The following DICER1 variants were observed in gnomAD, a reference collection of about 807,000 sequenced individuals.
DICER1 encodes the protein dicer 1, ribonuclease III, also known as endoribonuclease Dicer.
A neutral mutation model predicts 194.1 loss-of-function variants in DICER1; 43 were observed. The observed-to-expected ratio is 0.22, with a 90% CI of 0.17 to 0.29. The LOEUF (loss-of-function observed/expected upper bound fraction) is 0.29. DICER1 is among the 10% of genes least tolerant of loss of function. The pLI is 1.00. For missense variants in DICER1, 1,608 were observed against 2,317.0 expected, an observed-to-expected ratio of 0.69 and a Z score of 6.28; for synonymous variants, 832 against 820.5, an observed-to-expected ratio of 1.01 and a Z score of -0.24.
intron 4 of DICER1, among the ~76,000 whole-genome samples, chr14:95,130,427 G>A (rs1164174883): frequency 1.3e-5 from 2 of 152,212 alleles, no homozygotes; most frequent in African/African-American, 4.8e-5. Context: ...AGCATGTCTT[G>A]ACGACAAATC....
intron 1 of DICER1, among the ~76,000 whole-genome samples, chr14:95,155,975 C>T (rs1232666632): frequency 6.6e-6 from 1 of 152,144 alleles, no homozygotes; most frequent in Non-Finnish European, 1.5e-5. Context: ...TATTCCAGAA[C>T]CTAATTTCCA....
rs760966585 is a variant in DICER1 at position 95,115,772 on chromosome 14, A to G, written c.1802T>C (p.Ile601Thr). 7.4e-6 allele frequency: 12 copies of G among 1,614,166 alleles called. No homozygotes were observed. The highest frequency in any genetic ancestry group is 1.0e-5 in the Non-Finnish European group (12 of 1,179,996). Reference sequence around the variant, plus strand: ...GTCATCATCATCCATGACAGGATCAATGTCAGTCTCACCAGTATCAACCGA... The same window carrying G: ...GTCATCATCATCCATGACAGGATCAGTGTCAGTCTCACCAGTATCAACCGA... ...SKSVDTGETD[I>T]DPVMDDDDVF... Residue 601 changes from isoleucine (I) to threonine (T), a missense_variant, in exon 11 of 27, where the codon ATT becomes ACT. Ile to Thr is a moderately conservative substitution (Grantham distance 89, BLOSUM62 -1). Transcript: ENST00000343455.
chr14:95,102,503 G>A (rs1019499545), intron 21 of DICER1, among the ~76,000 whole-genome samples: 2 of 152,014 alleles, frequency 1.3e-5, no homozygotes, highest in African/African-American at 2.4e-5. Context: ...CTGCTGCCAC[G>A]GCTGCTTCCC....
At chr14:95,119,113 T>G (rs1595420945) in intron 8 of DICER1, among the ~76,000 whole-genome samples, 1 of 152,212 alleles carries the variant, frequency 6.6e-6, no homozygotes, top group South Asian at 2.1e-4. Context: ...AAATAATACA[T>G]ACTTCCAAAT....
chr14:95,103,672 A>C lies in DICER1; in HGVS notation c.3724T>G (p.Tyr1242Asp), dbSNP rs1273768047. ...SDECTLLSNK[Y>D]LDGNANKSTS... ...GATTTGTTAGCATTTCCATCAAGGTATTTATTACTCAGGAGAGTACATTCA... is the reference window on the plus strand; with the variant it reads ...GATTTGTTAGCATTTCCATCAAGGTCTTTATTACTCAGGAGAGTACATTCA... Residue 1242 changes from tyrosine to aspartate, a missense_variant, in exon 21 of 27, where the codon TAC (tyrosine) becomes GAC (aspartate). Tyr to Asp is a radical substitution (Grantham distance 160). This residue lies in a region of DICER1 where 222 missense variants were observed against 215.5 expected (regional missense o/e 1.03). Coordinates refer to ENST00000343455, the MANE Select transcript of DICER1 (RefSeq NM_177438.3). 4 of 1,614,164 alleles carry C rather than the reference A, an allele frequency of 2.5e-6. No individual in the cohort carries two copies. The East Asian group carries it at 8.9e-5, about 36-fold the overall frequency.
At chr14:95,157,558 A>T (rs888071515), upstream of DICER1, 1 of 152,288 alleles carries the variant, frequency 6.6e-6, no homozygotes, top group Admixed American at 6.5e-5. Context: ...CCGCGCCCCC[A>T]CGCTCCGCTC....
At chr14:95,138,759 T>C (rs886501276) in intron 1 of DICER1, among the ~76,000 whole-genome samples, 9 of 139,540 alleles carry the variant, frequency 6.4e-5, no homozygotes, top group African/African-American at 1.9e-4. Flanking sequence ...TAGGTGGGAA[T>C]TGAACAATGA....
chr14:95,118,399 G>A (rs1203532151), intron 8 of DICER1, among the ~76,000 whole-genome samples: 1 of 152,128 alleles, frequency 6.6e-6, no homozygotes, highest in African/African-American at 2.4e-5. Context: ...ATGCTTTCTT[G>A]TCCCCAGGCC....
At chr14:95,098,961 T>C (rs967125340) in intron 22 of DICER1, among the ~76,000 whole-genome samples, 1 of 152,134 alleles carries the variant, frequency 6.6e-6, no homozygotes, top group African/African-American at 2.4e-5. Flanking sequence ...ATGGAGAAAA[T>C]GGATATTTAA....
intron 1 of DICER1, among the ~76,000 whole-genome samples, chr14:95,135,393 T>A (rs1397152997): frequency 6.6e-6 from 1 of 152,180 alleles, no homozygotes; most frequent in African/African-American, 2.4e-5. Context: ...CCAACACATC[T>A]TCTCCTACTT....
chr14:95,139,177 C>G (rs1435164421), intron 1 of DICER1, among the ~76,000 whole-genome samples: 1 of 152,094 alleles, frequency 6.6e-6, no homozygotes, highest in Non-Finnish European at 1.5e-5. Flanking sequence ...CCAAGTGATC[C>G]TAGCAGTTAT....
chr14:95,093,187 A>G (rs532093687), intron 24 of DICER1, among the ~76,000 whole-genome samples: 3 of 152,372 alleles, frequency 2.0e-5, no homozygotes, highest in African/African-American at 7.2e-5. Context: ...GAAAATCTAC[A>G]AAAATAAGAA....
chr14:95,147,298 T>A (rs896982019), intron 1 of DICER1, among the ~76,000 whole-genome samples: 1 of 152,068 alleles, frequency 6.6e-6, no homozygotes, highest in African/African-American at 2.4e-5. Context: ...AAACCCCATC[T>A]CTACTAAAAA....
chr14:95,096,749 T>A, intron 22 of DICER1, 36 bp from the exon 23 acceptor site: 3 of 1,560,816 alleles, frequency 1.9e-6, no homozygotes, highest in Non-Finnish European at 2.6e-6. Flanking sequence ...AGGGGAAACA[T>A]AGCTGCTGTT....
chr14:95,118,003 T>C (rs1892634113), intron 8 of DICER1, among the ~76,000 whole-genome samples: 2 of 152,168 alleles, frequency 1.3e-5, no homozygotes, highest in Non-Finnish European at 2.9e-5. Flanking sequence ...AATGGTCACG[T>C]TACCTCCAAC....
chr14:95,131,168 T>A (rs1893916536), intron 4 of DICER1, among the ~76,000 whole-genome samples: 1 of 152,084 alleles, frequency 6.6e-6, no homozygotes, highest in African/African-American at 2.4e-5. Context: ...TACCTAGGAC[T>A]ACTACGCCAC....
chr14:95,113,708 C>G (rs1892186221), intron 11 of DICER1, among the ~76,000 whole-genome samples: 1 of 152,178 alleles, frequency 6.6e-6, no homozygotes, highest in South Asian at 2.1e-4. Context: ...ACAAAAAGGA[C>G]AGTAGAACTA....
rs1891685735 is a variant in DICER1, at chr14:95,108,717, T to C, written c.2257-214A>G. Among the ~76,000 whole-genome samples the C allele has an allele frequency of 4.6e-5, 7 of 152,252 alleles. No homozygotes were observed. The South Asian group carries it at 1.4e-3, about 32-fold the overall frequency. On this transcript the variant is annotated intron_variant, in intron 14 of 26. Coordinates refer to ENST00000343455, the MANE Select transcript of DICER1 (RefSeq NM_177438.3). ...CTGCTGACGGTGGCCCAAGTTCACA[T>C]ACATTATAATGCAGTGCTGACTACA...
In DICER1 at chr14:95,111,375, T is replaced by G; in HGVS notation, c.2198A>C (p.Glu733Ala). The G allele has an allele frequency of 6.2e-7, 1 of 1,614,198 alleles. No individual in the cohort carries two copies. The highest frequency in any genetic ancestry group is 8.5e-7 in the Non-Finnish European group (1 of 1,179,992). Reference sequence around the variant, plus strand: ...ACCTGGTCTTCCTGGAACACTGGTCTCTTCTTCATCATGCAAATCAAGCTC... The same window carrying G: ...ACCTGGTCTTCCTGGAACACTGGTCGCTTCTTCATCATGCAAATCAAGCTC... Reference protein sequence around the residue: ...EEELDLHDEEETSVPGRPGST... With the variant: ...EEELDLHDEEATSVPGRPGST... Residue 733 changes from glutamate to alanine, a missense_variant, in exon 14 of 27, where the codon GAG becomes GCG. Glu to Ala is a moderately radical substitution (Grantham distance 107). Coordinates refer to ENST00000343455, the MANE Select transcript of DICER1 (RefSeq NM_177438.3).
Sources: gnomAD v4.1 joint callset for allele counts (sites outside exome capture counted in the v4.1 genomes callset) on GRCh38, gnomAD v4.1.1 for gene constraint, gnomAD v4.1.1 regional missense constraint, MANE v1.5 for transcripts, NCBI Gene and HGNC (gene_info 2026-07-23, HGNC 2026-07-21) for gene names.